Variants in ABCA13 observed in about 807,000 individuals in gnomAD.
ABCA13 encodes ATP-binding cassette sub-family A member 13.
In ABCA13, 476 loss-of-function variants were observed where a neutral mutation model predicts 478.7. The ratio of observed to expected loss-of-function variants is 0.99; its 90% CI spans 0.92 to 1.07. The LOEUF is 1.07. Among genes scored for constraint, ABCA13 ranks in the 50% least tolerant of loss-of-function variants. ABCA13 has a pLI of 0.00. For missense variants in ABCA13, 6,060 were observed against 5,910.6 expected (o/e 1.03, Z -0.83); for synonymous variants, 2,252 against 2,158.9 (o/e 1.04, Z -1.20).
At chr7:48,422,862 A>G (rs1820956449) in intron 41 of ABCA13, among the ~76,000 whole-genome samples, 1 of 152,216 alleles carries the variant, frequency 6.6e-6, no homozygotes, top group African/African-American at 2.4e-5. Flanking sequence ...TGATGTTATG[A>G]TGAGGCAGCA....
intron 31 of ABCA13, among the ~76,000 whole-genome samples, chr7:48,355,218 T>A (rs1183797247): frequency 6.6e-6 from 1 of 151,752 alleles, no homozygotes; most frequent in African/African-American, 2.4e-5. Context: ...GAGGGGAAGA[T>A]GGAATTGTTA....
intron 27 of ABCA13, among the ~76,000 whole-genome samples, chr7:48,318,042 T>C (rs1033321326): frequency 2.6e-5 from 4 of 152,308 alleles, no homozygotes; most frequent in East Asian, 1.9e-4. Flanking sequence ...TTTGGTCTTA[T>C]TGTCAAACAC....
chr7:48,427,199 G>A (rs1398658536), intron 41 of ABCA13, among the ~76,000 whole-genome samples: 1 of 152,102 alleles, frequency 6.6e-6, no homozygotes, highest in African/African-American at 2.4e-5. Flanking sequence ...TTTAGTCATA[G>A]TATTTGGCTT....
intron 43 of ABCA13, among the ~76,000 whole-genome samples, chr7:48,458,734 C>T (rs895518078): frequency 6.6e-6 from 1 of 152,148 alleles, no homozygotes; most frequent in Non-Finnish European, 1.5e-5. Flanking sequence ...ATGAAGGGAA[C>T]AGATGACACC....
Position 48,193,061 on chromosome 7 carries a change from C to A in ABCA13, c.163+9C>A. ...CAGATACAGAGACATTTGTAAGTTT[C>A]ACTTTTTAATATACTTTTTGAATTA... On this transcript the variant is annotated intron_variant, in intron 2 of 61. Transcript: ENST00000435803. The A allele has an allele frequency of 7.2e-6, 11 of 1,517,406 alleles. No homozygotes were observed. The highest frequency in any genetic ancestry group is 9.7e-6 in the Non-Finnish European group (11 of 1,135,804). 94.0% of individuals were successfully genotyped at this position (1,517,406 alleles called of 1,614,324 possible).
At chr7:48,587,709 A>T (rs1789323196) in intron 57 of ABCA13, among the ~76,000 whole-genome samples, 1 of 152,170 alleles carries the variant, frequency 6.6e-6, no homozygotes, top group African/African-American at 2.4e-5. Context: ...TGAAGGATGG[A>T]TATGATGTTG....
rs141741051 is a variant in ABCA13 at position 48,600,623 on chromosome 7, A to G, written c.14744+5810A>G. ...GATGATAGTATACGTCTTGATGCTA[A>G]CTTAATTCTAGAAAAGTGTTGTAAT... On this transcript the variant is annotated intron_variant, in intron 58 of 61. Transcript: ENST00000435803. Among the ~76,000 whole-genome samples the G allele has an allele frequency of 7.3e-3, 1,114 of 152,214 alleles. 8 individuals are homozygous for G. The highest frequency in any genetic ancestry group is 8.1e-3 in the Non-Finnish European group (548 of 67,968).
intron 15 of ABCA13, among the ~76,000 whole-genome samples, chr7:48,250,803 A>G (rs1187178169): frequency 6.6e-6 from 1 of 152,026 alleles, no homozygotes; most frequent in African/African-American, 2.4e-5. Context: ...CTGGTTGTCT[A>G]TTTCCATCTC....
intron 10 of ABCA13, among the ~76,000 whole-genome samples, chr7:48,244,218 CTT>C (rs1791325151): frequency 6.6e-6 from 1 of 152,166 alleles, no homozygotes; most frequent in African/African-American, 2.4e-5. Flanking sequence ...TATTTTGAAA[CTT>C]TTCTCAAAAT....
In ABCA13 at chr7:48,214,895, C is replaced by T. The variant is rs143136982; in HGVS notation, c.288-4459C>T. On this transcript the variant is annotated intron_variant, in intron 3 of 61. Transcript: ENST00000435803. The stretch of plus-strand genomic sequence containing the variant: ...GGCACTTTTCATTTTCTTTAAGAAC[C>T]TTTTCTTTGCATTCACAACTTCATT... 3.7e-3 allele frequency among the ~76,000 whole-genome samples: 557 copies of T among 152,252 alleles called. 2 individuals carry two copies. The highest frequency in any genetic ancestry group is 0.013 in the African/African-American group (528 of 41,576).
In ABCA13 at chr7:48,472,832, A is replaced by G. The variant is rs1827651927; in HGVS notation, c.12975+1233A>G. Among the ~76,000 whole-genome samples, 5 of 152,148 alleles carry G rather than the reference A, an allele frequency of 3.3e-5. No individual in the cohort carries two copies. The South Asian group carries it at 1.0e-3, about 32-fold the overall frequency. ...GCAGGTCCTTAGCCTAAGTTACTCC[A>G]TATTGCTTATCTCCTCCTACTGTGC... On this transcript the variant is annotated intron_variant, in intron 45 of 61. Transcript: ENST00000435803.
At chr7:48,418,337 T>C (rs1820309222) in intron 41 of ABCA13, among the ~76,000 whole-genome samples, 1 of 152,234 alleles carries the variant, frequency 6.6e-6, no homozygotes, top group Admixed American at 6.5e-5. Context: ...TCCATATTCT[T>C]GCCAACATTT....
intron 38 of ABCA13, among the ~76,000 whole-genome samples, chr7:48,394,283 A>T (rs1392754964): frequency 6.6e-6 from 1 of 152,190 alleles, no homozygotes; most frequent in African/African-American, 2.4e-5. Context: ...AAGCCCTGCC[A>T]GCCTCTCTTG....
At chr7:48,281,689 C>CTT (rs61301818) in intron 19 of ABCA13, among the ~76,000 whole-genome samples, 26,871 of 152,074 alleles carry the variant, frequency 0.18, 2,478 homozygotes, top group Admixed American at 0.25. Context: ...TTTCTGGTCT[C>CTT]TGTCTTTGCT....
At chr7:48,233,557 A>T (rs1314412394) in intron 7 of ABCA13, among the ~76,000 whole-genome samples, 2 of 152,100 alleles carry the variant, frequency 1.3e-5, no homozygotes, top group East Asian at 1.9e-4. Context: ...AGTTTTAAAG[A>T]CTCCATAGTA....
At chr7:48,263,766 T>A (rs1584501068) in intron 15 of ABCA13, among the ~76,000 whole-genome samples, 1 of 152,088 alleles carries the variant, frequency 6.6e-6, no homozygotes, top group Admixed American at 6.6e-5. Flanking sequence ...TTAAATTTTT[T>A]AATTTTTATG....
At chr7:48,548,943 A>G (rs540772431) in intron 55 of ABCA13, among the ~76,000 whole-genome samples, 13 of 151,828 alleles carry the variant, frequency 8.6e-5, no homozygotes, top group Non-Finnish European at 1.9e-4. Flanking sequence ...TCTAAGATTG[A>G]AACTTGACTA....
rs887001938 is a variant in ABCA13 at position 48,435,970 on chromosome 7, G to A, written c.12565+8099G>A. ...ATTCATAAGGAATATTAGTTGGTAA[G>A]GTTTTTTTTTTTTTTGGTAGTTCCT... On this transcript the variant is annotated intron_variant, in intron 42 of 61. Transcript: ENST00000435803. 7.7e-5 allele frequency among the ~76,000 whole-genome samples: 11 copies of A among 143,560 alleles called. 1 individual carries two copies. Among genetic ancestry groups the A allele is most frequent in the African/African-American group, 2.5e-4 (10 of 40,592 alleles). The allele number at this position is 143,560 out of a possible 152,430, so 94.2% of individuals were successfully genotyped here.
rs141918453 is a variant in ABCA13, at chr7:48,413,919, G to A, written c.12459+1336G>A. ...TTCTTTACCCCAAATCACGAAGGTC[G>A]TAAATGGTGAGCTCTACTTAGACCT... On this transcript the variant is annotated intron_variant, in intron 41 of 61. Coordinates refer to ENST00000435803, the MANE Select transcript of ABCA13 (RefSeq NM_152701.5). Among the ~76,000 whole-genome samples the A allele has an allele frequency of 2.6e-3, 397 of 152,298 alleles. 6 individuals are homozygous for A. The highest frequency in any genetic ancestry group is 0.021 in the Admixed American group (323 of 15,296).
Sources: gnomAD v4.1 joint callset for allele counts (sites outside exome capture counted in the v4.1 genomes callset) on GRCh38, gnomAD v4.1.1 for gene constraint, MANE v1.5 for transcripts, NCBI Gene and HGNC (gene_info 2026-07-23, HGNC 2026-07-21) for gene names.